PTGER3: variants seen among roughly 807,000 people sequenced by gnomAD.
PTGER3 encodes the protein prostaglandin E receptor 3, also known as prostaglandin E2 receptor EP3 subtype.
A neutral mutation model predicts 34.7 loss-of-function variants in PTGER3; 22 were observed. That is an observed-to-expected ratio of 0.63 (90% CI 0.45 to 0.91). The LOEUF is 0.91. PTGER3 is among the 40% of genes least tolerant of loss of function. The pLI is 0.00. For missense variants in PTGER3, 468 were observed against 519.4 expected (o/e 0.90, Z 0.96); for synonymous variants, 241 against 230.1 (o/e 1.05, Z -0.43).
intron 4 of PTGER3, among the ~76,000 whole-genome samples, chr1:70,928,193 A>G (rs1041861568): frequency 6.7e-6 from 1 of 148,572 alleles, no homozygotes; most frequent in African/African-American, 2.4e-5. Context: ...ATAGACATAT[A>G]TTTATATATA....
chr1:70,943,198 GT>G (rs931515732), intron 4 of PTGER3, among the ~76,000 whole-genome samples: 3 of 152,164 alleles, frequency 2.0e-5, no homozygotes, highest in African/African-American at 7.2e-5. Flanking sequence ...CTGACAATAT[GT>G]TTGGAAATTC....
Position 70,971,753 on chromosome 1 carries a change from A to G in PTGER3, c.1170-20T>C, listed in dbSNP as rs200317724. Reference sequence around the variant, plus strand: ...CATTATCTGTTAGAATAGAGAGAGAAAGATGCAATAAGCATGGATGGGGAT... The same window carrying G: ...CATTATCTGTTAGAATAGAGAGAGAGAGATGCAATAAGCATGGATGGGGAT... On this transcript the variant is annotated intron_variant, in intron 3 of 3. Coordinates refer to ENST00000306666, the MANE Select transcript of PTGER3 (RefSeq NM_198719.2). 1.6e-5 allele frequency: 23 copies of G among 1,483,642 alleles called. No individual in the cohort carries two copies. The Admixed American group carries it at 4.1e-4, about 27-fold the overall frequency. 91.9% of individuals were successfully genotyped at this position (1,483,642 alleles called of 1,614,324 possible).
chr1:70,854,947 A>G (rs899979578), intron 4 of PTGER3, among the ~76,000 whole-genome samples: 11 of 152,318 alleles, frequency 7.2e-5, no homozygotes, highest in African/African-American at 1.9e-4. Flanking sequence ...TGCGATTACC[A>G]TATGATCCAG....
downstream of PTGER3, among the ~76,000 whole-genome samples, chr1:70,967,626 AC>A (rs1652664988): frequency 6.6e-6 from 1 of 152,274 alleles, no homozygotes; most frequent in African/African-American, 2.4e-5. Flanking sequence ...TGTAGTCATA[AC>A]TAAAAATATA....
intron 4 of PTGER3, among the ~76,000 whole-genome samples, chr1:70,906,163 G>C (rs1333543327): frequency 6.6e-6 from 1 of 152,170 alleles, no homozygotes; most frequent in Non-Finnish European, 1.5e-5. Flanking sequence ...GGAACTGTGA[G>C]TTCCATTAAG....
At chr1:70,957,757 A>G (rs1220826993) in intron 2 of PTGER3, among the ~76,000 whole-genome samples, 1 of 152,118 alleles carries the variant, frequency 6.6e-6, no homozygotes, top group Non-Finnish European at 1.5e-5. Flanking sequence ...TTATTTTTCT[A>G]TAGTCACTGT....
chr1:70,945,808 G>A (rs923655863), intron 4 of PTGER3, among the ~76,000 whole-genome samples: 1 of 152,044 alleles, frequency 6.6e-6, no homozygotes, highest in African/African-American at 2.4e-5. Flanking sequence ...AGGCATTACT[G>A]ATGTGCATAA....
intron 1 of PTGER3, among the ~76,000 whole-genome samples, chr1:71,031,358 G>T (rs1354757986): frequency 6.6e-6 from 1 of 151,892 alleles, no homozygotes; most frequent in African/African-American, 2.4e-5. Flanking sequence ...GAATAAATTG[G>T]ATAGATGGTA....
chr1:70,990,551 C>T (rs1370645118), intron 2 of PTGER3, among the ~76,000 whole-genome samples: 1 of 151,410 alleles, frequency 6.6e-6, no homozygotes, highest in Non-Finnish European at 1.5e-5. Context: ...ATATTTGAGA[C>T]AGGGTCTTGT....
At chr1:71,036,475 C>G (rs113768764) in intron 1 of PTGER3, among the ~76,000 whole-genome samples, 181 of 152,154 alleles carry the variant, frequency 1.2e-3, no homozygotes, top group African/African-American at 4.3e-3. Context: ...TATGATCACA[C>G]CACTGTACTA....
At chr1:70,985,898 A>G (rs1206196281) in intron 2 of PTGER3, among the ~76,000 whole-genome samples, 1 of 152,206 alleles carries the variant, frequency 6.6e-6, no homozygotes, top group African/African-American at 2.4e-5. Context: ...TGTCAGAGGC[A>G]TTTGAACCAG....
At chr1:70,952,526 AT>A in exon 4 of PTGER3, 1 of 989,882 alleles carries the variant, frequency 1.0e-6, no homozygotes, top group Non-Finnish European at 1.2e-6. Flanking sequence ...AGGGCATCAA[AT>A]TCTACAAACA....
chr1:70,909,375 AT>A (rs1279833934), intron 4 of PTGER3, among the ~76,000 whole-genome samples: 3 of 152,178 alleles, frequency 2.0e-5, no homozygotes, highest in Non-Finnish European at 4.4e-5. Flanking sequence ...ACTGAAAGCC[AT>A]TTTTTATTGT....
chr1:70,961,286 CT>C (rs377092697), intron 2 of PTGER3, among the ~76,000 whole-genome samples: 16 of 152,324 alleles, frequency 1.1e-4, no homozygotes, highest in African/African-American at 3.8e-4. Context: ...TACACCAAAT[CT>C]CTATAAATTC....
rs571384171 is a variant in PTGER3 at position 71,025,953 on chromosome 1, C to G, written c.898-13469G>C. ...CAATGCTATTGTGTGATACTTTCAGCTCCTCAAGTTGTGAATCTGGCATTG... is the reference window on the plus strand; with the variant it reads ...CAATGCTATTGTGTGATACTTTCAGGTCCTCAAGTTGTGAATCTGGCATTG... On this transcript the variant is annotated intron_variant, in intron 1 of 3. Coordinates refer to ENST00000306666, the MANE Select transcript of PTGER3 (RefSeq NM_198719.2). Among the ~76,000 whole-genome samples, 11 of 152,282 alleles carry G rather than the reference C, an allele frequency of 7.2e-5. No individual in the cohort carries two copies. The South Asian group carries it at 2.1e-3, about 29-fold the overall frequency.
chr1:70,999,881 A>G (rs1382685927), intron 2 of PTGER3, among the ~76,000 whole-genome samples: 1 of 152,216 alleles, frequency 6.6e-6, no homozygotes, highest in Non-Finnish European at 1.5e-5. Flanking sequence ...CAGGAAACCA[A>G]TAGTTTCTCC....
intron 1 of PTGER3, among the ~76,000 whole-genome samples, chr1:71,032,161 C>A (rs1325314672): frequency 1.3e-5 from 2 of 152,112 alleles, no homozygotes; most frequent in South Asian, 2.1e-4. Context: ...GAAAGAACTT[C>A]TTTTTTCTTC....
intron 4 of PTGER3, among the ~76,000 whole-genome samples, chr1:70,898,855 A>T (rs1362126621): frequency 6.6e-6 from 1 of 152,174 alleles, no homozygotes; most frequent in African/African-American, 2.4e-5. Flanking sequence ...TCAAAAAAGG[A>T]GATACAATTT....
chr1:71,008,119 C>G, intron 2 of PTGER3: 1 of 980,504 alleles, frequency 1.0e-6, no homozygotes, highest in Non-Finnish European at 1.2e-6. Flanking sequence ...CTGTTACTTT[C>G]TTTCTGTGAA....
Sources: allele counts gnomAD v4.1 joint callset (sites outside exome capture counted in the v4.1 genomes callset), GRCh38; gene constraint gnomAD v4.1.1; transcripts MANE v1.5; gene names NCBI Gene and HGNC (gene_info 2026-07-23, HGNC 2026-07-21).